NDUFAF2: variants seen among roughly 807,000 people sequenced by gnomAD.
NDUFAF2 encodes the protein NADH:ubiquinone oxidoreductase complex assembly factor 2.
A neutral mutation model predicts 22.8 loss-of-function variants in NDUFAF2; 13 were observed. That is an observed-to-expected ratio of 0.57 (90% confidence interval 0.37 to 0.91). The LOEUF is 0.91. NDUFAF2 is among the 40% of genes least tolerant of loss of function. NDUFAF2 has a pLI of 0.01. For missense variants in NDUFAF2, 162 were observed against 195.2 expected, an observed-to-expected ratio of 0.83 and a Z score of 1.01; for synonymous variants, 53 against 64.2, an observed-to-expected ratio of 0.83 and a Z score of 0.84.
At chr5:61,072,510 A>G (rs1163443284) in intron 1 of NDUFAF2, among the ~76,000 whole-genome samples, 4 of 152,086 alleles carry the variant, frequency 2.6e-5, no homozygotes, top group African/African-American at 9.7e-5. Context: ...TGATTATTAA[A>G]ATATTTTTTA....
chr5:61,133,345 T>A (rs1753136022), intron 3 of NDUFAF2, among the ~76,000 whole-genome samples: 1 of 152,204 alleles, frequency 6.6e-6, no homozygotes, highest in African/African-American at 2.4e-5. Flanking sequence ...AGTTAGGAAG[T>A]CCTTATATGA....
At chr5:60,985,158 G>C (rs139549771) in intron 1 of NDUFAF2, among the ~76,000 whole-genome samples, 3,676 of 152,224 alleles carry the variant, frequency 0.024, 64 homozygotes, top group Non-Finnish European at 0.038. Flanking sequence ...TCCATTTCTT[G>C]TAGATTTTCT....
At chr5:61,080,919 G>A (rs1752432992) in intron 2 of NDUFAF2, among the ~76,000 whole-genome samples, 1 of 152,178 alleles carries the variant, frequency 6.6e-6, no homozygotes, top group South Asian at 2.1e-4. Flanking sequence ...TTGTATGAAA[G>A]AAATCTTTGC....
At chr5:61,077,484 A>C (rs971072575) in intron 2 of NDUFAF2, among the ~76,000 whole-genome samples, 9 of 152,254 alleles carry the variant, frequency 5.9e-5, no homozygotes, top group Non-Finnish European at 8.8e-5. Flanking sequence ...AATGCATGAT[A>C]GAAAAAGAAG....
intron 1 of NDUFAF2, among the ~76,000 whole-genome samples, chr5:61,005,372 A>G (rs1395232321): frequency 6.6e-6 from 1 of 152,094 alleles, no homozygotes; most frequent in South Asian, 2.1e-4. Context: ...AGTCTTTGCT[A>G]TTGTGAATGG....
Position 61,147,437 on chromosome 5 carries a change from C to CT in NDUFAF2, c.259-5250dup, listed in dbSNP as rs1240336890. Among the ~76,000 whole-genome samples the CT allele has an allele frequency of 3.1e-3, 261 of 84,742 alleles. 13 individuals are homozygous for CT. Among genetic ancestry groups the CT allele is most frequent in the South Asian group, 0.024 (46 of 1,916 alleles). 55.6% of individuals were successfully genotyped at this position (84,742 alleles called of 152,430 possible). ...CTAATTTTTGTATTTTTTTTTCTTT[C>CT]TTTTTTTTTTTTTTTTTGTAGCAAC... On this transcript the variant is annotated intron_variant, in intron 3 of 3. Transcript: ENST00000296597.
At chr5:61,099,494 TAAAATAC>T (rs1456241088) in intron 3 of NDUFAF2, among the ~76,000 whole-genome samples, 2 of 151,260 alleles carry the variant, frequency 1.3e-5, no homozygotes, top group Non-Finnish European at 3.0e-5. Flanking sequence ...AAAGAAACTT[TAAAATAC>T]AGAATTAGCA....
chr5:61,046,504 T>C (rs892095536), intron 1 of NDUFAF2, among the ~76,000 whole-genome samples: 5 of 152,272 alleles, frequency 3.3e-5, no homozygotes, highest in Admixed American at 2.0e-4. Flanking sequence ...TTTTCTACTT[T>C]TTCCATGATT....
At position 60,996,429 on chromosome 5, in the gene NDUFAF2, T is replaced by C. The variant is rs535430004; in HGVS notation, c.127+51047T>C. Among the ~76,000 whole-genome samples, 6 of 151,742 alleles carry C rather than the reference T, an allele frequency of 4.0e-5. No homozygotes were observed. The South Asian group carries it at 1.3e-3, about 32-fold the overall frequency. ...CTGATACCTTAGATGTAAGACAGAG[T>C]CCTCCCGACTCTTCCCTCTCCTCTC... On this transcript the variant is annotated intron_variant, in intron 1 of 3. Coordinates refer to ENST00000296597, the MANE Select transcript of NDUFAF2 (RefSeq NM_174889.5).
At chr5:61,110,892 C>T (rs907653817) in intron 3 of NDUFAF2, among the ~76,000 whole-genome samples, 6 of 151,738 alleles carry the variant, frequency 4.0e-5, no homozygotes, top group Non-Finnish European at 7.4e-5. Context: ...TTTTGTAATT[C>T]TTTAACTTTC....
At chr5:61,025,626 A>G (rs924577604) in intron 1 of NDUFAF2, among the ~76,000 whole-genome samples, 12 of 151,898 alleles carry the variant, frequency 7.9e-5, no homozygotes, top group Non-Finnish European at 1.8e-4. Context: ...TTTTGATTCT[A>G]TGTTTTAATA....
chr5:61,008,302 T>TA (rs916252927), intron 1 of NDUFAF2, among the ~76,000 whole-genome samples: 13 of 151,174 alleles, frequency 8.6e-5, no homozygotes, highest in Middle Eastern at 3.2e-3. Flanking sequence ...TAAAGTATAA[T>TA]AAAAAAAAAG....
intron 3 of NDUFAF2, among the ~76,000 whole-genome samples, chr5:61,130,824 C>G (rs934873126): frequency 5.3e-5 from 8 of 151,966 alleles, no homozygotes; most frequent in African/African-American, 1.9e-4. Context: ...CTGCAGATGG[C>G]CAAGGGAGTT....
chr5:61,051,411 A>G (rs955988708), intron 1 of NDUFAF2, among the ~76,000 whole-genome samples: 4 of 152,176 alleles, frequency 2.6e-5, no homozygotes, highest in Non-Finnish European at 5.9e-5. Flanking sequence ...TAATAGCCAA[A>G]GAGACAAAGT....
intron 3 of NDUFAF2, among the ~76,000 whole-genome samples, chr5:61,128,883 C>G (rs140345286): frequency 6.6e-6 from 1 of 151,654 alleles, no homozygotes; most frequent in Admixed American, 6.6e-5. Context: ...TGGGAGAAAA[C>G]TTTTGCAATC....
intron 1 of NDUFAF2, among the ~76,000 whole-genome samples, chr5:61,069,128 T>C (rs79121297): frequency 2.2e-5 from 3 of 133,958 alleles, no homozygotes; most frequent in African/African-American, 1.1e-4. Context: ...TGTTAGTGCT[T>C]TTTTTTTTTT....
intron 3 of NDUFAF2, among the ~76,000 whole-genome samples, chr5:61,125,409 AG>A (rs1311480238): frequency 6.6e-6 from 1 of 152,024 alleles, no homozygotes; most frequent in Non-Finnish European, 1.5e-5. Context: ...AGGCTCTGGA[AG>A]GGAGAAGTAG....
At chr5:61,060,467 C>T (rs551762991) in intron 1 of NDUFAF2, among the ~76,000 whole-genome samples, 2 of 152,170 alleles carry the variant, frequency 1.3e-5, no homozygotes, top group East Asian at 3.9e-4. Flanking sequence ...TATACATCAC[C>T]ACCAGTCAAC....
intron 1 of NDUFAF2, among the ~76,000 whole-genome samples, chr5:61,044,703 T>C (rs1751924802): frequency 6.6e-6 from 1 of 152,154 alleles, no homozygotes; most frequent in African/African-American, 2.4e-5. Flanking sequence ...TTTATGCCAA[T>C]ACCATGCTGT....
Sources: gnomAD v4.1 joint callset for allele counts (sites outside exome capture counted in the v4.1 genomes callset) on GRCh38, gnomAD v4.1.1 for gene constraint, MANE v1.5 for transcripts, NCBI Gene and HGNC (gene_info 2026-07-23, HGNC 2026-07-21) for gene names.